Variants in BNC2 observed in about 807,000 individuals in gnomAD.
The protein encoded by BNC2 is basonuclin zinc finger protein 2, also known as zinc finger protein basonuclin-2.
In BNC2, 20 loss-of-function variants were observed where a neutral mutation model predicts 76.3. That is an observed-to-expected ratio of 0.26 (90% CI 0.18 to 0.38). The LOEUF is 0.38. Ranked by LOEUF, BNC2 falls within the 10% of genes least tolerant of loss-of-function variation. The pLI is 1.00. For synonymous variants in BNC2, 582 were observed against 514.8 expected (o/e 1.13, Z -1.77); for missense variants, 1,382 against 1,399.8 (o/e 0.99, Z 0.20).
chr9:16,527,878 C>T (rs1817859882), intron 5 of BNC2, among the ~76,000 whole-genome samples: 1 of 152,076 alleles, frequency 6.6e-6, no homozygotes, highest in Non-Finnish European at 1.5e-5. Context: ...CGCTGCCTCA[C>T]CCAGGAAGGC....
intron 3 of BNC2, among the ~76,000 whole-genome samples, chr9:16,638,224 G>C (rs546712441): frequency 2.6e-5 from 4 of 152,216 alleles, no homozygotes; most frequent in South Asian, 4.1e-4. Context: ...ACAGTGTTTT[G>C]TTATTTCCAT....
At chr9:16,479,324 T>C in intron 5 of BNC2, among the ~76,000 whole-genome samples, 1 of 151,976 alleles carries the variant, frequency 6.6e-6, no homozygotes, top group Admixed American at 6.5e-5. Context: ...TATCCCCAAC[T>C]TTGACTAAAA....
At chr9:16,441,617 T>C (rs1821130198) in intron 5 of BNC2, among the ~76,000 whole-genome samples, 1 of 152,216 alleles carries the variant, frequency 6.6e-6, no homozygotes, top group South Asian at 2.1e-4. Context: ...CTATGCATGG[T>C]CTATATTGCT....
intron 3 of BNC2, among the ~76,000 whole-genome samples, chr9:16,658,663 C>G (rs1248103438): frequency 1.3e-5 from 2 of 152,170 alleles, no homozygotes; most frequent in African/African-American, 4.8e-5. Context: ...TGTGCCCAGC[C>G]CTTTTCCTCC....
chr9:16,492,165 A>G (rs1822293212), intron 5 of BNC2, among the ~76,000 whole-genome samples: 1 of 152,122 alleles, frequency 6.6e-6, no homozygotes, highest in South Asian at 2.1e-4. Flanking sequence ...AAAAAAAAAC[A>G]AAAACAATCC....
intron 5 of BNC2, among the ~76,000 whole-genome samples, chr9:16,440,395 T>C (rs954221023): frequency 2.0e-5 from 3 of 152,320 alleles, no homozygotes; most frequent in Non-Finnish European, 2.9e-5. Flanking sequence ...TTCTATACCA[T>C]CTTTCTTGTA....
chr9:16,481,635 TG>T (rs1292102791), intron 5 of BNC2, among the ~76,000 whole-genome samples: 1 of 152,218 alleles, frequency 6.6e-6, no homozygotes, highest in Non-Finnish European at 1.5e-5. Context: ...CTGATATCAC[TG>T]CTAACTTAGG....
intron 5 of BNC2, among the ~76,000 whole-genome samples, chr9:16,486,814 C>G (rs1487308666): frequency 6.6e-6 from 1 of 152,092 alleles, no homozygotes. Flanking sequence ...TAACATCAAA[C>G]TCCTGGGCTC....
intron 1 of BNC2, among the ~76,000 whole-genome samples, chr9:16,797,716 G>C (rs1586892192): frequency 6.6e-6 from 1 of 151,930 alleles, no homozygotes; most frequent in Non-Finnish European, 1.5e-5. Flanking sequence ...AAGAAACTGG[G>C]GTTTCTTGCC....
intron 5 of BNC2, among the ~76,000 whole-genome samples, chr9:16,549,072 A>G (rs1818577602): frequency 6.6e-6 from 1 of 152,174 alleles, no homozygotes. Context: ...TTTTCTAATA[A>G]TAACCTCTTA....
intron 6 of BNC2, chr9:16,429,922 G>T (rs114187113): frequency 1.2e-5 from 6 of 513,230 alleles, no homozygotes; most frequent in African/African-American, 1.2e-4. Flanking sequence ...AGGAAGATCC[G>T]AGGCTCACTT....
chr9:16,534,326 T>C (rs746544167), intron 5 of BNC2, among the ~76,000 whole-genome samples: 5 of 152,128 alleles, frequency 3.3e-5, no homozygotes, highest in Admixed American at 1.3e-4. Flanking sequence ...GGAATGGACA[T>C]CTAACTGTGC....
chr9:16,750,461 T>G (rs1475998840), intron 1 of BNC2, among the ~76,000 whole-genome samples: 1 of 152,230 alleles, frequency 6.6e-6, no homozygotes, highest in Non-Finnish European at 1.5e-5. Context: ...AACCTACTTT[T>G]GCCTTGCATT....
chr9:16,789,370 T>C lies in BNC2; in HGVS notation c.4-50885A>G, dbSNP rs1817437943. ...GGTCCATTTTACTGTGTATAAATTA[T>C]ACCTTAATTTAAAAGAAACTAGGGG... is the stretch of plus-strand genomic sequence containing the variant. On this transcript the variant is annotated intron_variant, in intron 1 of 6. Transcript: ENST00000380672. 2.6e-5 allele frequency among the ~76,000 whole-genome samples: 4 copies of C among 152,058 alleles called. No individual in the cohort carries two copies. The South Asian group carries it at 8.3e-4, about 32-fold the overall frequency.
At chr9:16,708,269 A>G (rs1410360077) in intron 3 of BNC2, among the ~76,000 whole-genome samples, 1 of 152,222 alleles carries the variant, frequency 6.6e-6, no homozygotes, top group Non-Finnish European at 1.5e-5. Context: ...GTTAAATGGC[A>G]TTTAGAAATA....
intron 1 of BNC2, among the ~76,000 whole-genome samples, chr9:16,757,077 T>A (rs1240045480): frequency 8.9e-4 from 44 of 49,656 alleles, no homozygotes; most frequent in Non-Finnish European, 9.5e-4. Flanking sequence ...AGTAATTACT[T>A]AATTTCTTTC....
intron 6 of BNC2, among the ~76,000 whole-genome samples, chr9:16,419,851 G>C (rs1462677107): frequency 6.6e-6 from 1 of 152,038 alleles, no homozygotes. Context: ...GTGCAATCAG[G>C]GGAACTTTCC....
chr9:16,769,617 A>G (rs765412543), intron 1 of BNC2, among the ~76,000 whole-genome samples: 1 of 152,176 alleles, frequency 6.6e-6, no homozygotes, highest in Non-Finnish European at 1.5e-5. Context: ...CCAGGCTTGG[A>G]TCTAAAAATC....
intron 5 of BNC2, among the ~76,000 whole-genome samples, chr9:16,540,662 T>G (rs1221897752): frequency 1.3e-5 from 2 of 152,176 alleles, no homozygotes; most frequent in African/African-American, 2.4e-5. Context: ...CATCTTAAAT[T>G]CCATTTATGT....
Sources: allele counts gnomAD v4.1 joint callset (sites outside exome capture counted in the v4.1 genomes callset), GRCh38; gene constraint gnomAD v4.1.1; transcripts MANE v1.5; gene names NCBI Gene and HGNC (gene_info 2026-07-23, HGNC 2026-07-21).